ADAMTSL1: variants seen among roughly 807,000 people sequenced by gnomAD.
ADAMTSL1 encodes ADAMTS-like protein 1.
Under a neutral mutation model 201.8 loss-of-function variants are expected in ADAMTSL1, and 126 were observed. That is an observed-to-expected ratio of 0.62 (90% CI 0.54 to 0.72). The LOEUF is 0.72. Ranked by LOEUF, ADAMTSL1 falls within the 30% of genes least tolerant of loss-of-function variation. The pLI is 0.00. For synonymous variants in ADAMTSL1, 1,121 were observed against 903.4 expected (o/e 1.24, Z -4.32); for missense variants, 2,679 against 2,277.8 (o/e 1.18, Z -3.59).
At chr9:18,671,273 C>A (rs549926332) in intron 9 of ADAMTSL1, among the ~76,000 whole-genome samples, 2 of 152,162 alleles carry the variant, frequency 1.3e-5, no homozygotes, top group African/African-American at 4.8e-5. Flanking sequence ...AGAAAATAGG[C>A]AAGAATTTAG....
intron 2 of ADAMTSL1, among the ~76,000 whole-genome samples, chr9:18,358,336 A>G (rs1044392226): frequency 2.6e-5 from 4 of 152,222 alleles, no homozygotes; most frequent in Non-Finnish European, 4.4e-5. Flanking sequence ...TGGGAAAAGT[A>G]AGACCATTAA....
intron 19 of ADAMTSL1, among the ~76,000 whole-genome samples, chr9:18,779,159 CCAAGATCA>C (rs879818060): frequency 7.9e-5 from 12 of 152,228 alleles, no homozygotes; most frequent in South Asian, 2.1e-4. Context: ...AGCAGCTCAC[CCAAGATCA>C]CATTTTAGTA....
At chr9:18,812,145 C>T (rs905457639) in intron 20 of ADAMTSL1, among the ~76,000 whole-genome samples, 19 of 152,068 alleles carry the variant, frequency 1.2e-4, no homozygotes, top group African/African-American at 4.6e-4. Context: ...AGCAAAGAGG[C>T]AGGAGTAATC....
chr9:18,574,318 T>C, intron 4 of ADAMTSL1, 52 bp downstream of exon 4: 1 of 1,475,506 alleles, frequency 6.8e-7, no homozygotes, highest in Non-Finnish European at 9.5e-7. Flanking sequence ...TCAATGTCTT[T>C]GTGTAAATGG....
At chr9:18,259,208 C>T (rs1831817097) in intron 2 of ADAMTSL1, among the ~76,000 whole-genome samples, 1 of 152,146 alleles carries the variant, frequency 6.6e-6, no homozygotes, top group Admixed American at 6.5e-5. Context: ...GCTTCCAGCC[C>T]AAACTTTAGG....
rs376948377 is a variant in ADAMTSL1, at chr9:17,938,024, G to A, written c.87+31102G>A. ...AAGCATAAATGAATCAGAAACAGAT[G>A]GATTTTTTTCCCCCTTGAAATACAC... On this transcript the variant is annotated intron_variant, in intron 1 of 29. Transcript: ENST00000680146. Among the ~76,000 whole-genome samples, 11 of 152,032 alleles carry A rather than the reference G, an allele frequency of 7.2e-5. No individual in the cohort carries two copies. The East Asian group carries it at 1.4e-3, about 19-fold the overall frequency.
At chr9:18,561,459 A>G (rs1006179320) in intron 3 of ADAMTSL1, among the ~76,000 whole-genome samples, 1 of 152,168 alleles carries the variant, frequency 6.6e-6, no homozygotes, top group Non-Finnish European at 1.5e-5. Context: ...TATGTGGTCA[A>G]TTTTAGAATA....
chr9:18,586,583 G>GA (rs1731930462), intron 4 of ADAMTSL1, among the ~76,000 whole-genome samples: 1 of 151,606 alleles, frequency 6.6e-6, no homozygotes. Flanking sequence ...CACAGAACTA[G>GA]AAAAAAAACT....
chr9:18,480,893 A>G (rs1030602014), intron 1 of ADAMTSL1, among the ~76,000 whole-genome samples: 1 of 152,164 alleles, frequency 6.6e-6, no homozygotes, highest in Non-Finnish European at 1.5e-5. Context: ...GTGGTAGAAA[A>G]TGAGGAAAGA....
chr9:17,952,304 C>T (rs966354337), intron 1 of ADAMTSL1, among the ~76,000 whole-genome samples: 1 of 151,892 alleles, frequency 6.6e-6, no homozygotes, highest in Non-Finnish European at 1.5e-5. Context: ...GAACAAATTC[C>T]TACCCTGAAA....
chr9:17,989,521 G>T (rs1469142678), intron 1 of ADAMTSL1, among the ~76,000 whole-genome samples: 1 of 151,920 alleles, frequency 6.6e-6, no homozygotes, highest in East Asian at 1.9e-4. Context: ...AAAGGTTTTT[G>T]CAAGTTAATT....
At chr9:18,168,503 A>G (rs1827737537) in intron 2 of ADAMTSL1, among the ~76,000 whole-genome samples, 2 of 151,698 alleles carry the variant, frequency 1.3e-5, no homozygotes, top group South Asian at 4.2e-4. Flanking sequence ...TATGTGCCAC[A>G]TTTTCTTAAT....
intron 1 of ADAMTSL1, among the ~76,000 whole-genome samples, chr9:18,027,431 G>T (rs919215719): frequency 2.1e-5 from 3 of 144,466 alleles, no homozygotes; most frequent in Non-Finnish European, 4.5e-5. Flanking sequence ...TTATTTCAAA[G>T]ATTTTTTTTT....
intron 3 of ADAMTSL1, among the ~76,000 whole-genome samples, chr9:18,571,327 C>G (rs1822283541): frequency 6.6e-6 from 1 of 152,152 alleles, no homozygotes; most frequent in South Asian, 2.1e-4. Flanking sequence ...AACTGTTTCA[C>G]TTGTATAGAA....
At chr9:18,744,616 G>A (rs1259639320) in intron 15 of ADAMTSL1, among the ~76,000 whole-genome samples, 1 of 152,186 alleles carries the variant, frequency 6.6e-6, no homozygotes. Context: ...CCTTTACATG[G>A]AGGTTCTCAC....
chr9:18,466,391 C>T (rs1821006367), intron 2 of ADAMTSL1, among the ~76,000 whole-genome samples: 1 of 152,018 alleles, frequency 6.6e-6, no homozygotes, highest in Non-Finnish European at 1.5e-5. Context: ...CAACAAGTTC[C>T]AAATTCCTTC....
chr9:18,584,862 G>A (rs10963649), intron 4 of ADAMTSL1, among the ~76,000 whole-genome samples: 11,593 of 152,140 alleles, frequency 0.076, 467 homozygotes, highest in East Asian at 0.1. Flanking sequence ...CCAAATGCCG[G>A]CACCTGGATC....
chr9:18,807,601 G>T (rs1426778826), intron 20 of ADAMTSL1, among the ~76,000 whole-genome samples: 1 of 145,714 alleles, frequency 6.9e-6, no homozygotes. Context: ...AGCCGAGATC[G>T]CACCACTGCA....
chr9:18,728,517 G>A (rs1015017834), intron 15 of ADAMTSL1, among the ~76,000 whole-genome samples: 11 of 152,106 alleles, frequency 7.2e-5, no homozygotes, highest in Non-Finnish European at 1.6e-4. Context: ...CTTGTATTTG[G>A]TTGTCACGGA....
Sources: gnomAD v4.1 joint callset for allele counts (sites outside exome capture counted in the v4.1 genomes callset) on GRCh38, gnomAD v4.1.1 for gene constraint, MANE v1.5 for transcripts, NCBI Gene and HGNC (gene_info 2026-07-23, HGNC 2026-07-21) for gene names.